CCDC171: variants seen among roughly 807,000 people sequenced by gnomAD.
CCDC171 encodes the protein coiled-coil domain containing 171, also known as coiled-coil domain-containing protein 171.
In CCDC171, 177 loss-of-function variants were observed where a neutral mutation model predicts 168.2. The ratio of observed to expected loss-of-function variants is 1.05; its 90% CI spans 0.93 to 1.19. The LOEUF is 1.19. Among genes scored for constraint, CCDC171 ranks in the 50% most tolerant of loss-of-function variants. The pLI is 0.00. For synonymous variants in CCDC171, 687 were observed against 540.8 expected, an observed-to-expected ratio of 1.27 and a Z score of -3.75; for missense variants, 1,991 against 1,539.0, an observed-to-expected ratio of 1.29 and a Z score of -4.91.
At chr9:15,703,111 A>G (rs953508920) in intron 11 of CCDC171, among the ~76,000 whole-genome samples, 11 of 152,048 alleles carry the variant, frequency 7.2e-5, no homozygotes, top group Non-Finnish European at 1.5e-4. Context: ...TCACCATGTT[A>G]GCCAGGCTGG....
At chr9:16,107,981 C>A in the CCDC171 span, among the ~76,000 whole-genome samples, 3 of 152,086 alleles carry the variant, frequency 2.0e-5, no homozygotes, top group South Asian at 6.2e-4. Flanking sequence ...TAAATGATAT[C>A]AAATATAGAG....
chr9:15,727,547 G>A (rs975162459), intron 14 of CCDC171, among the ~76,000 whole-genome samples: 2 of 152,088 alleles, frequency 1.3e-5, no homozygotes, highest in Admixed American at 6.6e-5. Flanking sequence ...CATATGCTTC[G>A]TGTGATAGCT....
intron 24 of CCDC171, chr9:15,874,986 C>T (rs139757564): frequency 3.6e-5 from 6 of 168,770 alleles, no homozygotes; most frequent in African/African-American, 1.2e-4. Context: ...CCTCTTTAAG[C>T]AAGTCTCAAT....
chr9:15,564,369 T>A (rs1400012898), intron 2 of CCDC171, among the ~76,000 whole-genome samples: 4 of 152,268 alleles, frequency 2.6e-5, no homozygotes, highest in African/African-American at 9.6e-5. Flanking sequence ...GTGTCTGAAC[T>A]TTGTCCTGTT....
chr9:15,602,652 T>C (rs1270484624), intron 6 of CCDC171, among the ~76,000 whole-genome samples: 2 of 31,662 alleles, frequency 6.3e-5, no homozygotes, highest in African/African-American at 1.1e-4. Context: ...TTTTTCTTTT[T>C]TTTTTTTTTT....
At chr9:15,723,863 T>G in intron 13 of CCDC171, 117 bp downstream of exon 13, 1 of 464,042 alleles carries the variant, frequency 2.2e-6, no homozygotes, top group Non-Finnish European at 3.8e-6. Context: ...TTTTTTAAAG[T>G]ATGTATGGGT....
At chr9:16,008,359 G>A (rs1012092351) in intron 3 of CCDC171, among the ~76,000 whole-genome samples, 6 of 152,218 alleles carry the variant, frequency 3.9e-5, no homozygotes, top group Admixed American at 2.6e-4. Context: ...AATGGTTGTG[G>A]CACCATACTA....
chr9:15,872,205 C>G lies in CCDC171; in HGVS notation c.3469-2327C>G, dbSNP rs138751336. On this transcript the variant is annotated intron_variant, in intron 23 of 25. Coordinates refer to ENST00000380701, the MANE Select transcript of CCDC171 (RefSeq NM_173550.4). ...TTATGATGTTCATCATTAGGTGTAG[C>G]AAAAATAGCTGCATTTTGCAAGTTT... 5.8e-3 allele frequency among the ~76,000 whole-genome samples: 874 copies of G among 151,912 alleles called. 11 individuals are homozygous for G. Among genetic ancestry groups the G allele is most frequent in the African/African-American group, 0.02 (844 of 41,476 alleles).
chr9:15,729,868 TC>T, intron 16 of CCDC171, 70 bp downstream of exon 16: 1 of 1,189,058 alleles, frequency 8.4e-7, no homozygotes, highest in East Asian at 2.3e-5. Flanking sequence ...TTTTTTTTTT[TC>T]AGTAGCAGTG....
At chr9:15,858,313 C>G (rs2061423054) in intron 23 of CCDC171, among the ~76,000 whole-genome samples, 1 of 152,062 alleles carries the variant, frequency 6.6e-6, no homozygotes, top group Non-Finnish European at 1.5e-5. Flanking sequence ...GCCACTGCAT[C>G]CAGCCATCTT....
intron 11 of CCDC171, among the ~76,000 whole-genome samples, chr9:15,709,066 TGG>T (rs2052462177): frequency 6.6e-6 from 1 of 151,854 alleles, no homozygotes; most frequent in Non-Finnish European, 1.5e-5. Context: ...TAGAACAGAG[TGG>T]TGAAATGATT....
chr9:15,903,381 C>T (rs6474984), intron 24 of CCDC171, among the ~76,000 whole-genome samples: 75,929 of 151,872 alleles, frequency 0.5, 20,222 homozygotes, highest in East Asian at 0.8. Flanking sequence ...CACCAATATC[C>T]GCTGTTCTGC....
intron 24 of CCDC171, among the ~76,000 whole-genome samples, chr9:15,909,467 C>T (rs1278006960): frequency 1.3e-5 from 2 of 152,046 alleles, no homozygotes; most frequent in African/African-American, 4.8e-5. Flanking sequence ...GGTTGGCAGT[C>T]TGACATCCTG....
At chr9:15,644,193 G>A (rs957696131) in intron 7 of CCDC171, among the ~76,000 whole-genome samples, 1 of 152,182 alleles carries the variant, frequency 6.6e-6, no homozygotes, top group Non-Finnish European at 1.5e-5. Context: ...TATCAGTAAT[G>A]TATGAGGTTT....
chr9:15,675,540 C>T (rs1027012208), intron 9 of CCDC171, among the ~76,000 whole-genome samples: 1 of 152,102 alleles, frequency 6.6e-6, no homozygotes, highest in African/African-American at 2.4e-5. Context: ...TTAGTGCTTT[C>T]TTCAGGAGCT....
chr9:15,981,856 G>A (rs144193524), intron 3 of CCDC171, among the ~76,000 whole-genome samples: 10 of 152,238 alleles, frequency 6.6e-5, no homozygotes, highest in African/African-American at 1.4e-4. Flanking sequence ...TTGAAAAAGC[G>A]TCTGAAGTTC....
Position 15,760,031 on chromosome 9 carries a change from G to A in CCDC171, c.2671+14400G>A, listed in dbSNP as rs559265595. On this transcript the variant is annotated intron_variant, in intron 18 of 25. Transcript: ENST00000380701. ...GAAATAGAAATGACAGAATCTTGGG[G>A]AAATCTATTTAGTAAGTATTCTGAA... Among the ~76,000 whole-genome samples, 4 of 152,254 alleles carry A rather than the reference G, an allele frequency of 2.6e-5. No homozygotes were observed. In the South Asian group the frequency reaches 6.2e-4, roughly 24 times the overall value.
chr9:15,661,305 C>T (rs1381935104), intron 8 of CCDC171, among the ~76,000 whole-genome samples: 1 of 137,562 alleles, frequency 7.3e-6, no homozygotes, highest in Non-Finnish European at 1.6e-5. Context: ...AAAAAAGTAA[C>T]ATGCTGTTTT....
intron 3 of CCDC171, among the ~76,000 whole-genome samples, chr9:15,577,769 C>T (rs551921812): frequency 3.4e-4 from 52 of 152,316 alleles, no homozygotes; most frequent in South Asian, 2.3e-3. Flanking sequence ...TTGATTAGAG[C>T]TAGAACTGGA....
Sources: allele counts gnomAD v4.1 joint callset (sites outside exome capture counted in the v4.1 genomes callset), GRCh38; gene constraint gnomAD v4.1.1; transcripts MANE v1.5; gene names NCBI Gene and HGNC (gene_info 2026-07-23, HGNC 2026-07-21).